TGM5: variants seen among roughly 807,000 people sequenced by gnomAD.
TGM5 encodes the protein protein-glutamine gamma-glutamyltransferase 5.
A neutral mutation model predicts 77.2 loss-of-function variants in TGM5; 69 were observed. The ratio of observed to expected loss-of-function variants is 0.89; its 90% CI spans 0.74 to 1.09. The LOEUF (loss-of-function observed/expected upper bound fraction) is 1.09, where lower values mean the gene tolerates loss of function less well. TGM5 is among the 50% of genes least tolerant of loss of function. The pLI is 0.00. For synonymous variants in TGM5, 346 were observed against 351.8 expected, an observed-to-expected ratio of 0.98 and a Z score of 0.18; for missense variants, 842 against 896.5, an observed-to-expected ratio of 0.94 and a Z score of 0.78.
intron 5 of TGM5, 136 bp from the exon 6 acceptor site, chr15:43,253,072 A>T: frequency 1.0e-6 from 1 of 953,046 alleles, no homozygotes. Context: ...GGACTTCCAG[A>T]CCTGCTGGGG....
chr15:43,240,716 G>T, intron 7 of TGM5, 136 bp downstream of exon 7: 1 of 1,082,490 alleles, frequency 9.2e-7, no homozygotes, highest in East Asian at 2.6e-5. Flanking sequence ...TGGGGGGTGG[G>T]TGGGGGAGGG....
At chr15:43,238,714 C>G in intron 9 of TGM5, 103 bp downstream of exon 9, 1 of 1,530,800 alleles carries the variant, frequency 6.5e-7, no homozygotes, top group Non-Finnish European at 8.8e-7. Flanking sequence ...GCTGAGGAGA[C>G]AGTGGGGCTG....
In TGM5 at chr15:43,252,766, CAT is replaced by C; in HGVS notation, c.853_854del (p.Met285ValfsTer31). ...YGQCWVFAAV[M>X]CTVMRCLGIP... The stretch of plus-strand genomic sequence containing the variant: ...GTCCTTTCTACCTCCTACCTGTGCA[CAT>C]GACGGCAGCAAAGACCCAGCATTGC... On this transcript the variant is annotated frameshift_variant, in exon 6 of 13. Coordinates refer to ENST00000220420, the MANE Select transcript of TGM5 (RefSeq NM_201631.4). LOFTEE classifies it high-confidence loss of function. 4 of 1,613,900 alleles carry C rather than the reference CAT, an allele frequency of 2.5e-6. No homozygotes were observed. Among genetic ancestry groups the C allele is most frequent in the Non-Finnish European group, 3.4e-6 (4 of 1,180,034 alleles).
intron 1 of TGM5, among the ~76,000 whole-genome samples, chr15:43,260,837 C>T (rs1050601334): frequency 6.6e-6 from 1 of 152,070 alleles, no homozygotes; most frequent in Non-Finnish European, 1.5e-5. Context: ...CCCTTACACC[C>T]TCCTGGAGGG....
At chr15:43,266,196 A>G (rs1421397296) in intron 1 of TGM5, among the ~76,000 whole-genome samples, 1 of 152,252 alleles carries the variant, frequency 6.6e-6, no homozygotes, top group Non-Finnish European at 1.5e-5. Flanking sequence ...TTTTAAAACA[A>G]AAATTTAAAC....
chr15:43,248,791 G>A (rs571069707), intron 6 of TGM5, among the ~76,000 whole-genome samples: 2 of 152,212 alleles, frequency 1.3e-5, no homozygotes, highest in Non-Finnish European at 2.9e-5. Context: ...AGACTTAAGG[G>A]TAAAAACAAT....
At chr15:43,252,976 T>C (rs750747685) in intron 5 of TGM5, 40 bp from the exon 6 acceptor site, 3 of 1,604,712 alleles carry the variant, frequency 1.9e-6, no homozygotes, top group Middle Eastern at 1.7e-4. Context: ...GAAACATCCA[T>C]TTCCTCAACA....
At chr15:43,248,038 G>A (rs2042680044) in intron 6 of TGM5, among the ~76,000 whole-genome samples, 1 of 152,128 alleles carries the variant, frequency 6.6e-6, no homozygotes, top group African/African-American at 2.4e-5. Flanking sequence ...AGAGGGGCCT[G>A]AGCAGACCAA....
At chr15:43,264,261 G>A (rs1382118857) in intron 1 of TGM5, among the ~76,000 whole-genome samples, 1 of 152,084 alleles carries the variant, frequency 6.6e-6, no homozygotes, top group African/African-American at 2.4e-5. Flanking sequence ...GTTACCATAG[G>A]ACCTAACAAT....
intron 8 of TGM5, 37 bp downstream of exon 8, chr15:43,239,126 C>T (rs199951037): frequency 7.7e-5 from 125 of 1,614,052 alleles, no homozygotes; most frequent in African/African-American, 6.7e-4. Context: ...GTGCTTTCCA[C>T]GGGAGCGGGG....
intron 6 of TGM5, among the ~76,000 whole-genome samples, chr15:43,251,960 A>G (rs2142372552): frequency 6.6e-6 from 1 of 152,270 alleles, no homozygotes; most frequent in South Asian, 2.1e-4. Flanking sequence ...GGCCCTCAAC[A>G]ACTCCAAATT....
chr15:43,256,554 G>C lies in TGM5; in HGVS notation c.555+14C>G, dbSNP rs774564259. The C allele has an allele frequency of 6.2e-7, 1 of 1,604,956 alleles. No individual in the cohort carries two copies. Among genetic ancestry groups the C allele is most frequent in the Non-Finnish European group, 8.5e-7 (1 of 1,171,706 alleles). On this transcript the variant is annotated intron_variant, in intron 4 of 12. Coordinates refer to ENST00000220420, the MANE Select transcript of TGM5 (RefSeq NM_201631.4). ...TCGGGGCCGGGATGGGCCATAAGCA[G>C]GGCTGAGACTCACCTGTCCATAGTT...
At position 43,235,595 on chromosome 15, in the gene TGM5, G is replaced by T; in HGVS notation, c.1588C>A (p.Leu530Ile). 6.2e-7 allele frequency: 1 copy of T among 1,614,242 alleles called. No individual in the cohort carries two copies. The highest frequency in any genetic ancestry group is 2.2e-5 in the East Asian group (1 of 44,880). The change falls in exon 10 of 13, where the codon CTC becomes ATC. Residue 530 changes from leucine (L) to isoleucine (I), a missense_variant. Physicochemically the swap from Leu to Ile is conservative, Grantham distance 5. Transcript: ENST00000220420. The stretch of plus-strand genomic sequence containing the variant: ...TCCTTGAACTGGGAGGACATGTTGA[G>T]GGCCAGCAGGACAAAGCATATATCC... ...GQDICFVLLA[L>I]NMSSQFKDLK...
Position 43,260,160 on chromosome 15 carries a change from C to T in TGM5, c.328G>A (p.Ala110Thr). ...TEVSLCAPPT[A>T]AVGRYLLKIH... is the part of the protein sequence containing the mutation. ...TTCAAGAGGTACCGACCCACGGCCG[C>T]CGTGGGAGGAGCGCACAAGCTCACC... The change falls in exon 3 of 13, where the codon GCG becomes ACG. Residue 110 changes from alanine (A) to threonine (T), a missense_variant. Physicochemically the swap from Ala to Thr is moderately conservative, Grantham distance 58 (BLOSUM62 0). This residue lies in a region of TGM5 where 815 missense variants were observed against 844.6 expected (regional missense o/e 0.96). Coordinates refer to ENST00000220420, the MANE Select transcript of TGM5 (RefSeq NM_201631.4). The T allele has an allele frequency of 6.2e-7, 1 of 1,614,170 alleles. No homozygotes were observed. Among genetic ancestry groups the T allele is most frequent in the Middle Eastern group, 1.7e-4 (1 of 6,054 alleles).
At chr15:43,257,711 A>C (rs1209608737) in intron 3 of TGM5, among the ~76,000 whole-genome samples, 2 of 152,210 alleles carry the variant, frequency 1.3e-5, no homozygotes, top group Non-Finnish European at 2.9e-5. Context: ...CATTTGACCC[A>C]GCCATACCAT....
chr15:43,261,072 G>GTTTTTTTTTTT (rs1566837432), intron 1 of TGM5, among the ~76,000 whole-genome samples: 2 of 53,870 alleles, frequency 3.7e-5, no homozygotes, highest in African/African-American at 5.7e-5. Flanking sequence ...TTTTTTGTGT[G>GTTTTTTTTTTT]TGTGTTTTTT....
intron 1 of TGM5, among the ~76,000 whole-genome samples, chr15:43,264,696 T>C (rs1446508895): frequency 6.6e-6 from 1 of 152,236 alleles, no homozygotes; most frequent in African/African-American, 2.4e-5. Flanking sequence ...ATAGTGGCGA[T>C]ACTCGCAAAA....
At position 43,233,590 on chromosome 15, in the gene TGM5, TC is replaced by T; in HGVS notation, c.1972del (p.Glu658LysfsTer43). The T allele has an allele frequency of 6.2e-7, 1 of 1,614,164 alleles. No individual in the cohort carries two copies. The highest frequency in any genetic ancestry group is 8.5e-7 in the Non-Finnish European group (1 of 1,180,026). On this transcript the variant is annotated frameshift_variant, in exon 12 of 13. Coordinates refer to ENST00000220420, the MANE Select transcript of TGM5 (RefSeq NM_201631.4). LOFTEE classifies it high-confidence loss of function. Reference sequence around the variant, plus strand: ...CTGTTTCTTGAAGAGGCCACTTCCTTCCACAGTCAGCACACAGTCCTCAACC... The same window carrying T: ...CTGTTTCTTGAAGAGGCCACTTCCTTCACAGTCAGCACACAGTCCTCAACC... ...EQVEDCVLTV[E>X]GSGLFKKQQK...
At chr15:43,242,584 G>T (rs1374627704) in intron 6 of TGM5, among the ~76,000 whole-genome samples, 2 of 152,176 alleles carry the variant, frequency 1.3e-5, no homozygotes, top group Non-Finnish European at 2.9e-5. Context: ...ATTTAATTGT[G>T]TACAGATTTT....
Sources: gnomAD v4.1 joint callset for allele counts (sites outside exome capture counted in the v4.1 genomes callset) on GRCh38, gnomAD v4.1.1 for gene constraint, gnomAD v4.1.1 regional missense constraint, MANE v1.5 for transcripts, NCBI Gene and HGNC (gene_info 2026-07-23, HGNC 2026-07-21) for gene names.